PTCHD4: variants seen among roughly 807,000 people sequenced by gnomAD.
PTCHD4 encodes patched domain-containing protein 4.
Under a neutral mutation model 58.1 loss-of-function variants are expected in PTCHD4, and 33 were observed. That is an observed-to-expected ratio of 0.57 (90% CI 0.43 to 0.76). PTCHD4 has a LOEUF of 0.76. Ranked by LOEUF, PTCHD4 falls within the 30% of genes least tolerant of loss-of-function variation. The probability of loss-of-function intolerance (pLI) is 0.00; values close to 1 mark genes in which losing one functional copy is unlikely to be tolerated. For synonymous variants in PTCHD4, 478 were observed against 409.6 expected, an observed-to-expected ratio of 1.17 and a Z score of -2.02; for missense variants, 1,058 against 1,027.1, an observed-to-expected ratio of 1.03 and a Z score of -0.41.
At chr6:47,917,814 C>T (rs2113879209) in intron 4 of PTCHD4, among the ~76,000 whole-genome samples, 1 of 151,848 alleles carries the variant, frequency 6.6e-6, no homozygotes, top group Admixed American at 6.6e-5. Context: ...AAGACCCTCA[C>T]AGAAAAAAAA....
chr6:47,960,016 T>C (rs1444568744), intron 4 of PTCHD4, among the ~76,000 whole-genome samples: 1 of 152,062 alleles, frequency 6.6e-6, no homozygotes, highest in East Asian at 1.9e-4. Context: ...TAGTATATGG[T>C]TAATGACATA....
chr6:48,079,961 C>A lies in PTCHD4; in HGVS notation c.-969-10035G>T, dbSNP rs981083427. Among the ~76,000 whole-genome samples the A allele has an allele frequency of 2.1e-5, 3 of 139,794 alleles. No homozygotes were observed. In the East Asian group the frequency reaches 6.3e-4, roughly 29 times the overall value. 91.7% of individuals were successfully genotyped at this position (139,794 alleles called of 152,430 possible). A position where few individuals can be genotyped will look rare whatever the true frequency, so the allele number is the denominator to read the frequency against. ...TCTTATACAATTCAAAACCCTGCCC[C>A]TTATGATGATTTTTTTTTTTTTTTT... On this transcript the variant is annotated intron_variant, in intron 1 of 4. Coordinates refer to ENST00000339488, the MANE Select transcript of PTCHD4 (RefSeq NM_001384253.1).
chr6:47,959,644 A>G (rs1351302953), intron 4 of PTCHD4, among the ~76,000 whole-genome samples: 1 of 152,154 alleles, frequency 6.6e-6, no homozygotes, highest in Non-Finnish European at 1.5e-5. Context: ...ATAAAGAGAC[A>G]ATCATAGGAG....
chr6:47,921,136 T>C (rs773919315), intron 4 of PTCHD4, among the ~76,000 whole-genome samples: 1 of 152,218 alleles, frequency 6.6e-6, no homozygotes, highest in Non-Finnish European at 1.5e-5. Context: ...TATGATCTTA[T>C]GACAAAAATA....
intron 4 of PTCHD4, among the ~76,000 whole-genome samples, chr6:47,880,314 A>T (rs1168703032): frequency 1.3e-5 from 2 of 152,190 alleles, no homozygotes; most frequent in Admixed American, 1.3e-4. Context: ...GACCCTTAAC[A>T]TCATGTCAAG....
chr6:47,950,196 C>A (rs1561973516), intron 4 of PTCHD4, among the ~76,000 whole-genome samples: 2 of 152,040 alleles, frequency 1.3e-5, no homozygotes, highest in African/African-American at 4.8e-5. Context: ...CATGTCCCTA[C>A]AAAGGACATA....
chr6:47,880,017 C>T, intron 4 of PTCHD4, 81 bp from the exon 5 acceptor site: 1 of 1,099,266 alleles, frequency 9.1e-7, no homozygotes, highest in Non-Finnish European at 1.3e-6. Flanking sequence ...TTTATCTATG[C>T]TAAATGGCAC....
chr6:47,916,154 C>T (rs934091410), intron 4 of PTCHD4, among the ~76,000 whole-genome samples: 4 of 152,030 alleles, frequency 2.6e-5, no homozygotes, highest in Non-Finnish European at 5.9e-5. Flanking sequence ...AGGGACTGTG[C>T]AGTGTGGCTC....
chr6:48,066,540 A>G (rs909834742), intron 3 of PTCHD4, among the ~76,000 whole-genome samples: 3 of 152,244 alleles, frequency 2.0e-5, no homozygotes, highest in African/African-American at 7.2e-5. Context: ...ATAGGTTAGG[A>G]AGATTACCTC....
chr6:48,053,203 C>T lies in PTCHD4; in HGVS notation c.417+15027G>A, dbSNP rs137855757. Among the ~76,000 whole-genome samples the T allele has an allele frequency of 4.8e-3, 725 of 152,190 alleles. 10 individuals are homozygous for T. The highest frequency in any genetic ancestry group is 0.017 in the African/African-American group (697 of 41,546). On this transcript the variant is annotated intron_variant, in intron 3 of 4. Transcript: ENST00000339488. ...AACATTTTGTTTACAGGTGAAGAGA[C>T]AGAAAACATGCAATTTGGCCGGAGA...
intron 3 of PTCHD4, among the ~76,000 whole-genome samples, chr6:48,014,466 T>C (rs1196403996): frequency 6.6e-6 from 1 of 152,088 alleles, no homozygotes; most frequent in Non-Finnish European, 1.5e-5. Context: ...TAATCAGGAA[T>C]CATGTGAGCT....
intron 4 of PTCHD4, among the ~76,000 whole-genome samples, chr6:47,891,879 C>G (rs1320442441): frequency 6.6e-6 from 1 of 152,030 alleles, no homozygotes; most frequent in Non-Finnish European, 1.5e-5. Flanking sequence ...ATAAAATGCA[C>G]TAAAACTTTT....
intron 4 of PTCHD4, chr6:47,901,368 A>T (rs1027584344): frequency 3.5e-6 from 3 of 852,908 alleles, no homozygotes; most frequent in Admixed American, 6.2e-5. Context: ...TCATAGAATT[A>T]TTTGGGAAGT....
chr6:47,900,019 T>A (rs919784238), intron 4 of PTCHD4: 1 of 152,238 alleles, frequency 6.6e-6, no homozygotes, highest in Non-Finnish European at 1.5e-5. Flanking sequence ...CCACTTTTTA[T>A]GTTTCCATTC....
chr6:48,082,834 T>C (rs1765193213), intron 1 of PTCHD4, among the ~76,000 whole-genome samples: 1 of 152,058 alleles, frequency 6.6e-6, no homozygotes. Flanking sequence ...TAACGAATGG[T>C]ATACGAAATA....
chr6:48,006,965 G>A (rs529728357), intron 4 of PTCHD4, among the ~76,000 whole-genome samples: 10 of 152,288 alleles, frequency 6.6e-5, no homozygotes, highest in East Asian at 5.8e-4. Flanking sequence ...CTAGCTGGGC[G>A]TGGTGGCTTA....
chr6:48,080,500 C>T (rs1329717285), intron 1 of PTCHD4, among the ~76,000 whole-genome samples: 3 of 152,204 alleles, frequency 2.0e-5, no homozygotes, highest in Admixed American at 2.0e-4. Context: ...AGTCTTTATT[C>T]TATTGTATTG....
chr6:47,945,923 T>G (rs1441099198), intron 4 of PTCHD4, among the ~76,000 whole-genome samples: 1 of 151,856 alleles, frequency 6.6e-6, no homozygotes, highest in Non-Finnish European at 1.5e-5. Context: ...TTTTCTTAAG[T>G]AGTATTTTGT....
chr6:47,881,970 G>C (rs962462544), intron 4 of PTCHD4, among the ~76,000 whole-genome samples: 5 of 151,988 alleles, frequency 3.3e-5, no homozygotes, highest in Non-Finnish European at 5.9e-5. Context: ...GTTCCTTCTT[G>C]CATTTTATCA....
Sources: gnomAD v4.1 joint callset for allele counts (sites outside exome capture counted in the v4.1 genomes callset) on GRCh38, gnomAD v4.1.1 for gene constraint, MANE v1.5 for transcripts, NCBI Gene and HGNC (gene_info 2026-07-23, HGNC 2026-07-21) for gene names.